ATP2A2: variants seen among roughly 807,000 people sequenced by gnomAD.
ATP2A2 encodes sarcoplasmic/endoplasmic reticulum calcium ATPase 2.
Under a neutral mutation model 109.3 loss-of-function variants are expected in ATP2A2, and 14 were observed. The ratio of observed to expected loss-of-function variants is 0.13; its 90% CI spans 0.08 to 0.20. The LOEUF (loss-of-function observed/expected upper bound fraction) is 0.20, where lower values mean the gene tolerates loss of function less well. ATP2A2 is among the 10% of genes least tolerant of loss of function. The pLI, the probability that ATP2A2 is intolerant of heterozygous loss-of-function variation, is 1.00. For missense variants in ATP2A2, 657 were observed against 1,321.6 expected (o/e 0.50, Z 7.80); for synonymous variants, 506 against 490.9 (o/e 1.03, Z -0.41).
intron 14 of ATP2A2, among the ~76,000 whole-genome samples, chr12:110,341,766 G>A (rs901813663): frequency 8.5e-5 from 13 of 152,104 alleles, no homozygotes; most frequent in Non-Finnish European, 1.6e-4. Context: ...CCAGCTACTC[G>A]GGAGATTGAG....
intron 5 of ATP2A2, among the ~76,000 whole-genome samples, chr12:110,299,573 G>C (rs984119570): frequency 2.6e-5 from 4 of 152,160 alleles, no homozygotes; most frequent in Non-Finnish European, 4.4e-5. Context: ...TTCTGATCGT[G>C]AGTAGTTCAA....
chr12:110,344,313 C>T (rs1879637510), intron 16 of ATP2A2, among the ~76,000 whole-genome samples: 1 of 152,158 alleles, frequency 6.6e-6, no homozygotes, highest in African/African-American at 2.4e-5. Flanking sequence ...CACCTTGTTG[C>T]TTCTTTGCAA....
chr12:110,336,457 T>TG (rs1020060274), intron 11 of ATP2A2, among the ~76,000 whole-genome samples: 2 of 152,148 alleles, frequency 1.3e-5, no homozygotes, highest in East Asian at 1.9e-4. Flanking sequence ...ATTGTGTCAT[T>TG]GGGGGGTAGT....
chr12:110,286,657 CTG>C lies in ATP2A2; in HGVS notation c.219+3864_219+3865del, dbSNP rs534036986. 4.7e-4 allele frequency among the ~76,000 whole-genome samples: 70 copies of C among 150,346 alleles called. 1 individual carries two copies. The highest frequency in any genetic ancestry group is 1.7e-3 in the African/African-American group (68 of 40,950). On this transcript the variant is annotated intron_variant, in intron 3 of 19. Coordinates refer to ENST00000539276, the MANE Select transcript of ATP2A2 (RefSeq NM_170665.4). ...TATCGTAACGTTTATTGGTAATTCT[CTG>C]TATCATTCTCGAAATGTTTAATTTC...
rs1880168780 is a variant in ATP2A2, at chr12:110,349,190, T to G, written c.*2720T>G. ...TGAAGGCTTTGCTGGGTGAAAACAC[T>G]TCAGCATCTCCTCCTCAGGTCAACC... On this transcript the variant is annotated 3_prime_UTR_variant, in exon 20 of 20. Coordinates refer to ENST00000539276, the MANE Select transcript of ATP2A2 (RefSeq NM_170665.4). 1 of 985,450 alleles carries G rather than the reference T, an allele frequency of 1.0e-6. No individual in the cohort carries two copies. Among genetic ancestry groups the G allele is most frequent in the African/African-American group, 1.7e-5 (1 of 57,224 alleles). The allele number at this position is 985,450 out of a possible 1,614,324, so 61.0% of individuals were successfully genotyped here.
rs897732950 is a variant in ATP2A2 at position 110,327,288 on chromosome 12, G to T, written c.631-265G>T. On this transcript the variant is annotated intron_variant, in intron 7 of 19. Transcript: ENST00000539276. The surrounding 1 kb of genome is among the most constrained non-coding windows in gnomAD (Gnocchi z 4.4). ...GTTTGAAAAATTGGGAACACAGAGG[G>T]GTTAAGAGCACTGCTTGAAGATGGT... Among the ~76,000 whole-genome samples, 1 of 152,112 alleles carries T rather than the reference G, an allele frequency of 6.6e-6. No individual in the cohort carries two copies. The highest frequency in any genetic ancestry group is 2.1e-4 in the South Asian group (1 of 4,826).
chr12:110,337,889 G>C (rs1175903049), intron 11 of ATP2A2, among the ~76,000 whole-genome samples: 1 of 152,200 alleles, frequency 6.6e-6, no homozygotes, highest in Non-Finnish European at 1.5e-5. Flanking sequence ...TATTATACTG[G>C]CATTCCTGGT....
At chr12:110,285,587 A>T (rs987097388) in intron 3 of ATP2A2, among the ~76,000 whole-genome samples, 3 of 152,214 alleles carry the variant, frequency 2.0e-5, no homozygotes, top group African/African-American at 7.2e-5. Context: ...TTTGGATATC[A>T]GAGTATGTGA....
Position 110,346,880 on chromosome 12 carries a change from C to G in ATP2A2, c.*410C>G, listed in dbSNP as rs1235775665. On this transcript the variant is annotated 3_prime_UTR_variant, in exon 20 of 20. Coordinates refer to ENST00000539276, the MANE Select transcript of ATP2A2 (RefSeq NM_170665.4). ...TAAATAGCATGTATTGTGTCTTTTGCATGATGATCCGGATTTAATTTGATA... is the reference window on the plus strand; with the variant it reads ...TAAATAGCATGTATTGTGTCTTTTGGATGATGATCCGGATTTAATTTGATA... The G allele has an allele frequency of 9.1e-6, 10 of 1,093,604 alleles. No homozygotes were observed. 67.7% of individuals were successfully genotyped at this position (1,093,604 alleles called of 1,614,324 possible). A position where few individuals can be genotyped will look rare whatever the true frequency, so the allele number is the denominator to read the frequency against.
In ATP2A2 at chr12:110,346,496, T is replaced by TTTAAC. The variant is rs139659231; in HGVS notation, c.*31_*35dup. 1.0e-3 allele frequency: 1,691 copies of TTTAAC among 1,613,992 alleles called. 33 individuals carry two copies. The East Asian group carries it at 0.032, about 30-fold the overall frequency. On this transcript the variant is annotated 3_prime_UTR_variant, in exon 20 of 20. Coordinates refer to ENST00000539276, the MANE Select transcript of ATP2A2 (RefSeq NM_170665.4). ...CTGACAGTTTTCCATAAAGAAGATG[T>TTTAAC]TTAACTTAATCAATTAATTTTTTTA... is the stretch of plus-strand genomic sequence containing the variant.
At position 110,281,923 on chromosome 12, in the gene ATP2A2, T is replaced by TC. The variant is rs1321189957; in HGVS notation, c.118+18dup. On this transcript the variant is annotated intron_variant, in intron 1 of 19. Transcript: ENST00000539276. Reference sequence around the variant, plus strand: ...GGCTCCAACGGTAGGTGCAGGGCGCTCCGCTGCAGGGGCCCGGCGCGGCCG... The same window carrying TC: ...GGCTCCAACGGTAGGTGCAGGGCGCTCCCGCTGCAGGGGCCCGGCGCGGCCG... 1 of 1,553,876 alleles carries TC rather than the reference T, an allele frequency of 6.4e-7. No individual in the cohort carries two copies. The highest frequency in any genetic ancestry group is 8.7e-7 in the Non-Finnish European group (1 of 1,149,710).
intron 8 of ATP2A2, among the ~76,000 whole-genome samples, chr12:110,329,015 A>G (rs1189585164): frequency 6.6e-6 from 1 of 152,218 alleles, no homozygotes; most frequent in East Asian, 1.9e-4. Context: ...CAAAAAGTAG[A>G]TAGTCATCTC....
intron 5 of ATP2A2, among the ~76,000 whole-genome samples, chr12:110,306,462 A>T (rs906217981): frequency 6.6e-6 from 1 of 152,090 alleles, no homozygotes; most frequent in Non-Finnish European, 1.5e-5. Flanking sequence ...GATGATGAGT[A>T]TAGATGATGA....
chr12:110,281,666 A>G lies in ATP2A2; in HGVS notation c.-124A>G. Reference sequence around the variant, plus strand: ...CCGGCGAGGCGGAAGCGGCCGCAAGAGGAGGAGGGGAGAGCCCGTCCGCGC... The same window carrying G: ...CCGGCGAGGCGGAAGCGGCCGCAAGGGGAGGAGGGGAGAGCCCGTCCGCGC... On this transcript the variant is annotated 5_prime_UTR_variant, in exon 1 of 20. Coordinates refer to ENST00000539276, the MANE Select transcript of ATP2A2 (RefSeq NM_170665.4). 1 of 518,766 alleles carries G rather than the reference A, an allele frequency of 1.9e-6. No individual in the cohort carries two copies. The highest frequency in any genetic ancestry group is 3.8e-5 in the South Asian group (1 of 26,582). 32.1% of individuals were successfully genotyped at this position (518,766 alleles called of 1,614,324 possible). A position where few individuals can be genotyped will look rare whatever the true frequency, so the allele number is the denominator to read the frequency against.
Position 110,282,611 on chromosome 12 carries a change from G to T in ATP2A2, c.126G>T (p.Pro42=), listed in dbSNP as rs780672760. ...LKERWGSNEL[P]AEEGKTLLEL... ...AATTTCTACATTCTACAGAGTTACC[G>T]GCTGAAGAAGGTAATCTTAACATGC... Residue 42 remains proline (P), a synonymous_variant, in exon 2 of 20, where the codon CCG becomes CCT. Transcript: ENST00000539276. 1.2e-5 allele frequency: 19 copies of T among 1,613,522 alleles called. No homozygotes were observed. In the East Asian group the frequency reaches 4.0e-4, roughly 34 times the overall value.
At chr12:110,282,319 A>C (rs1385408327) in intron 1 of ATP2A2, among the ~76,000 whole-genome samples, 1 of 152,222 alleles carries the variant, frequency 6.6e-6, no homozygotes. Flanking sequence ...AAGTGATGAC[A>C]TCGCTGAAAC....
At chr12:110,346,173 G>A (rs766786056) in intron 19 of ATP2A2, 28 bp from the exon 20 acceptor site, 4 of 1,613,964 alleles carry the variant, frequency 2.5e-6, no homozygotes, top group African/African-American at 1.3e-5. Flanking sequence ...GGAGGCTGGA[G>A]GCGTGACACG....
chr12:110,308,126 A>G (rs1042615217), intron 5 of ATP2A2, among the ~76,000 whole-genome samples: 3 of 152,168 alleles, frequency 2.0e-5, no homozygotes, highest in Non-Finnish European at 4.4e-5. Flanking sequence ...TAGTTTTAAT[A>G]GTTTTTATGG....
intron 4 of ATP2A2, among the ~76,000 whole-genome samples, chr12:110,293,872 T>TGTG (rs1566204070): frequency 1.2e-5 from 1 of 80,712 alleles, no homozygotes; most frequent in African/African-American, 5.7e-5. Flanking sequence ...GTGTATATAT[T>TGTG]TTTTTTTTTT....
Sources: gnomAD v4.1 joint callset for allele counts (sites outside exome capture counted in the v4.1 genomes callset) on GRCh38, gnomAD v4.1.1 for gene constraint, Gnocchi (gnomAD v3.1) non-coding constraint, MANE v1.5 for transcripts, NCBI Gene and HGNC (gene_info 2026-07-23, HGNC 2026-07-21) for gene names.